PCDH7: variants seen among roughly 807,000 people sequenced by gnomAD.
PCDH7 encodes protocadherin-7.
In PCDH7, 17 loss-of-function variants were observed where a neutral mutation model predicts 58.9. That is an observed-to-expected ratio of 0.29 (90% CI 0.20 to 0.43). The LOEUF is 0.43. PCDH7 is among the 20% of genes least tolerant of loss of function. The pLI, the probability that PCDH7 is intolerant of heterozygous loss-of-function variation, is 1.00. For synonymous variants in PCDH7, 664 were observed against 616.4 expected, an observed-to-expected ratio of 1.08 and a Z score of -1.14; for missense variants, 1,274 against 1,441.0, an observed-to-expected ratio of 0.88 and a Z score of 1.88.
At chr4:31,093,083 G>A (rs1291020264) in intron 3 of PCDH7, among the ~76,000 whole-genome samples, 1 of 152,112 alleles carries the variant, frequency 6.6e-6, no homozygotes, top group African/African-American at 2.4e-5. Context: ...ATAATGTGCA[G>A]TAGGGAATCT....
chr4:31,112,457 TA>T (rs1716445634), intron 3 of PCDH7, among the ~76,000 whole-genome samples: 1 of 152,184 alleles, frequency 6.6e-6, no homozygotes, highest in African/African-American at 2.4e-5. Context: ...TAATAATTAC[TA>T]CTAAAAACCA....
At chr4:30,895,873 G>C (rs1416253910) in intron 1 of PCDH7, among the ~76,000 whole-genome samples, 1 of 152,198 alleles carries the variant, frequency 6.6e-6, no homozygotes, top group Admixed American at 6.5e-5. Context: ...GAGGGAATGT[G>C]AGAAATGAAG....
intron 1 of PCDH7, among the ~76,000 whole-genome samples, chr4:30,824,246 AT>A (rs962190496): frequency 8.6e-5 from 13 of 150,496 alleles, no homozygotes; most frequent in African/African-American, 3.2e-4. Context: ...CTGACCTCAT[AT>A]TTTCTGTAGT....
At chr4:30,775,106 C>A (rs1239567361) in intron 1 of PCDH7, among the ~76,000 whole-genome samples, 1 of 152,096 alleles carries the variant, frequency 6.6e-6, no homozygotes, top group Non-Finnish European at 1.5e-5. Context: ...ATCAGAGAAC[C>A]ATGACATTCC....
chr4:31,127,443 C>T (rs1718439912), intron 3 of PCDH7, among the ~76,000 whole-genome samples: 1 of 152,096 alleles, frequency 6.6e-6, no homozygotes, highest in South Asian at 2.1e-4. Flanking sequence ...TTGAATGTGT[C>T]CTACATCTTA....
At chr4:30,827,933 C>T (rs1359422040) in intron 1 of PCDH7, among the ~76,000 whole-genome samples, 1 of 152,120 alleles carries the variant, frequency 6.6e-6, no homozygotes, top group African/African-American at 2.4e-5. Context: ...AGTTACACTG[C>T]TGATATGTAT....
At position 31,106,076 on chromosome 4, in the gene PCDH7, C is replaced by T. The variant is rs74903277; in HGVS notation, c.*8-36397C>T. Among the ~76,000 whole-genome samples, 661 of 151,332 alleles carry T rather than the reference C, an allele frequency of 4.4e-3. 6 individuals are homozygous for T. The highest frequency in any genetic ancestry group is 0.015 in the African/African-American group (632 of 41,264). On this transcript the variant is annotated intron_variant, in intron 3 of 3. Coordinates refer to the PCDH7 transcript ENST00000509759. ...TAAAACTTCACAGTATTGTATGTAA[C>T]AGGAGTATTGTATTAACTTTATGGT...
intron 1 of PCDH7, among the ~76,000 whole-genome samples, chr4:30,821,046 C>T (rs563260796): frequency 3.0e-4 from 46 of 152,204 alleles, no homozygotes; most frequent in Non-Finnish European, 4.1e-4. Flanking sequence ...TAATGTCAGT[C>T]GCTTGTGCTA....
chr4:31,038,844 A>G (rs1437710860), intron 3 of PCDH7, among the ~76,000 whole-genome samples: 1 of 152,146 alleles, frequency 6.6e-6, no homozygotes, highest in Non-Finnish European at 1.5e-5. Context: ...TTCTTGCAGC[A>G]TTCTATGATC....
At chr4:30,998,532 A>G (rs1336531220) in intron 3 of PCDH7, among the ~76,000 whole-genome samples, 1 of 152,154 alleles carries the variant, frequency 6.6e-6, no homozygotes, top group Non-Finnish European at 1.5e-5. Context: ...TTCTCAGATC[A>G]GAAGAATTGA....
chr4:30,955,703 C>T (rs1156844413), intron 3 of PCDH7, among the ~76,000 whole-genome samples: 1 of 151,684 alleles, frequency 6.6e-6, no homozygotes, highest in African/African-American at 2.4e-5. Context: ...CATTTACCAC[C>T]ACACCTGGCT....
intron 3 of PCDH7, among the ~76,000 whole-genome samples, chr4:31,096,901 A>C (rs1346195734): frequency 8.2e-6 from 1 of 121,242 alleles, no homozygotes; most frequent in Admixed American, 8.2e-5. Context: ...AATACTAATA[A>C]ATTCCTTGTT....
chr4:30,791,909 A>G (rs1724166999), intron 1 of PCDH7, among the ~76,000 whole-genome samples: 1 of 152,248 alleles, frequency 6.6e-6, no homozygotes, highest in Non-Finnish European at 1.5e-5. Flanking sequence ...GAAACCTAAG[A>G]ATTATAAATT....
At chr4:30,743,833 C>T (rs948938152) in intron 1 of PCDH7, among the ~76,000 whole-genome samples, 4 of 152,004 alleles carry the variant, frequency 2.6e-5, no homozygotes, top group African/African-American at 9.7e-5. Flanking sequence ...GTTTGGTGAA[C>T]ATTGAAACTT....
intron 1 of PCDH7, among the ~76,000 whole-genome samples, chr4:30,798,358 C>T (rs925263483): frequency 6.6e-6 from 1 of 152,104 alleles, no homozygotes; most frequent in Non-Finnish European, 1.5e-5. Flanking sequence ...TTACTTGAGA[C>T]GTATCTCCAT....
intron 3 of PCDH7, among the ~76,000 whole-genome samples, chr4:31,032,976 T>G (rs897983367): frequency 6.8e-6 from 1 of 147,492 alleles, no homozygotes; most frequent in Non-Finnish European, 1.5e-5. Context: ...TGTTTATGAC[T>G]TTTTTTTTGT....
intron 1 of PCDH7, among the ~76,000 whole-genome samples, chr4:30,900,280 A>G (rs147838094): frequency 6.6e-6 from 1 of 152,326 alleles, no homozygotes; most frequent in East Asian, 1.9e-4. Context: ...TGAGCAAAGA[A>G]TAGAACCAAT....
intron 2 of PCDH7, among the ~76,000 whole-genome samples, chr4:30,946,227 C>G (rs1171644168): frequency 6.6e-6 from 1 of 152,248 alleles, no homozygotes; most frequent in African/African-American, 2.4e-5. Flanking sequence ...GGAATAATCT[C>G]TTCTCCTGTA....
chr4:31,002,213 G>A (rs917683311), intron 3 of PCDH7, among the ~76,000 whole-genome samples: 5 of 152,132 alleles, frequency 3.3e-5, no homozygotes, highest in Non-Finnish European at 7.3e-5. Flanking sequence ...ATATTGATTT[G>A]AGTAAAAATG....
Sources: gnomAD v4.1 joint callset for allele counts (sites outside exome capture counted in the v4.1 genomes callset) on GRCh38, gnomAD v4.1.1 for gene constraint, MANE v1.5 for transcripts, NCBI Gene and HGNC (gene_info 2026-07-23, HGNC 2026-07-21) for gene names.